The following SGCZ variants were observed in gnomAD, a reference collection of about 807,000 sequenced individuals.
SGCZ encodes the protein sarcoglycan zeta.
In SGCZ, 40 loss-of-function variants were observed where a neutral mutation model predicts 41.3. That is an observed-to-expected ratio of 0.97 (90% CI 0.75 to 1.26). SGCZ has a LOEUF of 1.26. Ranked by LOEUF, SGCZ falls within the 50% of genes most tolerant of loss-of-function variation. The pLI, the probability that SGCZ is intolerant of heterozygous loss-of-function variation, is 0.00. For synonymous variants in SGCZ, 206 were observed against 137.5 expected, an observed-to-expected ratio of 1.50 and a Z score of -3.49; for missense variants, 552 against 369.8, an observed-to-expected ratio of 1.49 and a Z score of -4.04.
chr8:14,470,279 A>G lies in SGCZ; in HGVS notation c.234+84453T>C, dbSNP rs139403226. Among the ~76,000 whole-genome samples the G allele has an allele frequency of 1.4e-3, 208 of 152,288 alleles. 1 individual carries two copies. The highest frequency in any genetic ancestry group is 4.3e-3 in the African/African-American group (178 of 41,572). On this transcript the variant is annotated intron_variant, in intron 2 of 7. Coordinates refer to ENST00000382080, the MANE Select transcript of SGCZ (RefSeq NM_139167.4). ...CTGAGTTTTGTTTTTTCTGCACACA[A>G]TGAGGTTATTTCTTTGTTTTCTCCT...
At chr8:14,481,838 T>C (rs1233731943) in intron 2 of SGCZ, among the ~76,000 whole-genome samples, 1 of 152,192 alleles carries the variant, frequency 6.6e-6, no homozygotes, top group African/African-American at 2.4e-5. Flanking sequence ...GCTGGAAAAC[T>C]AGACAAACTA....
At chr8:14,734,922 G>C (rs1798981335) in intron 1 of SGCZ, among the ~76,000 whole-genome samples, 2 of 152,096 alleles carry the variant, frequency 1.3e-5, no homozygotes, top group Admixed American at 1.3e-4. Flanking sequence ...ACATGGTATG[G>C]GAATGGGTAT....
chr8:14,456,841 G>A (rs963015729), intron 2 of SGCZ, among the ~76,000 whole-genome samples: 1 of 152,152 alleles, frequency 6.6e-6, no homozygotes, highest in Non-Finnish European at 1.5e-5. Flanking sequence ...TTGTGATAGT[G>A]ACTGAGTTCT....
chr8:14,358,741 G>C (rs1431417779), intron 2 of SGCZ, among the ~76,000 whole-genome samples: 2 of 152,136 alleles, frequency 1.3e-5, no homozygotes, highest in Middle Eastern at 3.4e-3. Context: ...CTCCTGAGTA[G>C]CTGGGATTAC....
At chr8:14,410,816 A>G (rs901801532) in intron 2 of SGCZ, among the ~76,000 whole-genome samples, 3 of 152,198 alleles carry the variant, frequency 2.0e-5, no homozygotes, top group Admixed American at 1.3e-4. Flanking sequence ...AGGAGTTCTA[A>G]GAGTGTAATT....
rs551173413 is a variant in SGCZ, at chr8:14,956,375, T to A, written c.39+281210A>T. ...TAATAAAAGTCCCAATATCAGTTTTTGCACAGTCTGTTCCCTTCCCAATAA... is the reference window on the plus strand; with the variant it reads ...TAATAAAAGTCCCAATATCAGTTTTAGCACAGTCTGTTCCCTTCCCAATAA... On this transcript the variant is annotated intron_variant, in intron 1 of 7. Coordinates refer to ENST00000382080, the MANE Select transcript of SGCZ (RefSeq NM_139167.4). Among the ~76,000 whole-genome samples the A allele has an allele frequency of 3.3e-5, 5 of 152,290 alleles. No individual in the cohort carries two copies. In the East Asian group the frequency reaches 9.6e-4, roughly 29 times the overall value.
intron 1 of SGCZ, among the ~76,000 whole-genome samples, chr8:15,085,830 C>T (rs1805927934): frequency 6.6e-6 from 1 of 152,130 alleles, no homozygotes; most frequent in South Asian, 2.1e-4. Context: ...AGAGGCAGCC[C>T]TCTGTCATTC....
At chr8:14,875,157 G>C (rs923251459) in intron 1 of SGCZ, among the ~76,000 whole-genome samples, 1 of 152,138 alleles carries the variant, frequency 6.6e-6, no homozygotes, top group Non-Finnish European at 1.5e-5. Flanking sequence ...TTTGGTAAAG[G>C]CCTCATCTCC....
rs1330618932 is a variant in SGCZ, at chr8:14,806,760, C to T, written c.40-251834G>A. Among the ~76,000 whole-genome samples, 6 of 152,256 alleles carry T rather than the reference C, an allele frequency of 3.9e-5. No homozygotes were observed. In the East Asian group the frequency reaches 9.7e-4, roughly 25 times the overall value. ...GTTAGCATCATTCTGATACCAAAGC[C>T]TGGCAGAGACACAACCAAAAAAGAG... On this transcript the variant is annotated intron_variant, in intron 1 of 7. Coordinates refer to ENST00000382080, the MANE Select transcript of SGCZ (RefSeq NM_139167.4).
chr8:14,408,373 C>G (rs1281579880), intron 2 of SGCZ, among the ~76,000 whole-genome samples: 1 of 152,026 alleles, frequency 6.6e-6, no homozygotes, highest in African/African-American at 2.4e-5. Context: ...CATCTGGACC[C>G]CTGGGAGTTT....
intron 2 of SGCZ, among the ~76,000 whole-genome samples, chr8:14,358,790 T>C (rs1451798135): frequency 6.6e-6 from 1 of 151,994 alleles, no homozygotes; most frequent in Non-Finnish European, 1.5e-5. Context: ...TTTGAGTTTT[T>C]AGTAGAGATG....
At chr8:15,025,148 G>GAAAT (rs1396351249) in intron 1 of SGCZ, among the ~76,000 whole-genome samples, 1 of 151,952 alleles carries the variant, frequency 6.6e-6, no homozygotes, top group Non-Finnish European at 1.5e-5. Context: ...GGAATGAAAT[G>GAAAT]AAATTCATAG....
intron 2 of SGCZ, among the ~76,000 whole-genome samples, chr8:14,497,560 A>G (rs979611177): frequency 2.7e-5 from 4 of 150,856 alleles, no homozygotes; most frequent in African/African-American, 4.9e-5. Context: ...GTGTGTGCGT[A>G]TGTGTGTGTG....
At chr8:14,958,123 T>C (rs894257435) in intron 1 of SGCZ, among the ~76,000 whole-genome samples, 1 of 152,024 alleles carries the variant, frequency 6.6e-6, no homozygotes, top group Non-Finnish European at 1.5e-5. Flanking sequence ...CCAGTAGGGG[T>C]CCTCTGGACT....
chr8:14,446,886 C>A (rs1313518326), intron 2 of SGCZ, among the ~76,000 whole-genome samples: 2 of 152,106 alleles, frequency 1.3e-5, no homozygotes, highest in Non-Finnish European at 2.9e-5. Context: ...GAGATTATAG[C>A]AGATCAATCT....
intron 1 of SGCZ, among the ~76,000 whole-genome samples, chr8:15,190,760 T>C (rs1403351327): frequency 1.3e-5 from 2 of 152,024 alleles, no homozygotes; most frequent in African/African-American, 4.8e-5. Context: ...CCAAAAACTA[T>C]CAACAAAGAT....
At chr8:14,797,465 G>C (rs552967273) in intron 1 of SGCZ, among the ~76,000 whole-genome samples, 2 of 152,324 alleles carry the variant, frequency 1.3e-5, no homozygotes, top group African/African-American at 4.8e-5. Flanking sequence ...GAACTTGAGA[G>C]AGATTATTTA....
intron 1 of SGCZ, among the ~76,000 whole-genome samples, chr8:15,156,276 C>CTT (rs1321363725): frequency 4.6e-5 from 7 of 151,982 alleles, no homozygotes; most frequent in Non-Finnish European, 8.8e-5. Context: ...TGCATAGGGG[C>CTT]TTTAGATTGT....
chr8:14,761,543 T>A lies in SGCZ; in HGVS notation c.40-206617A>T, dbSNP rs866710027. Among the ~76,000 whole-genome samples, 122 of 147,346 alleles carry A rather than the reference T, an allele frequency of 8.3e-4. 1 individual carries two copies. The highest frequency in any genetic ancestry group is 1.9e-3 in the South Asian group (9 of 4,756). On this transcript the variant is annotated intron_variant, in intron 1 of 7. Transcript: ENST00000382080. ...ATTTTATTTATTTATTTATTTATTT[T>A]TTTTTTGAGAGGGAGTCTCTCCCTG... is the stretch of plus-strand genomic sequence containing the variant.
Sources: gnomAD v4.1 joint callset for allele counts (sites outside exome capture counted in the v4.1 genomes callset) on GRCh38, gnomAD v4.1.1 for gene constraint, MANE v1.5 for transcripts, NCBI Gene and HGNC (gene_info 2026-07-23, HGNC 2026-07-21) for gene names.